The following SIN3A variants were observed in gnomAD, a reference collection of about 807,000 sequenced individuals.
SIN3A encodes paired amphipathic helix protein Sin3a.
In SIN3A, 14 loss-of-function variants were observed where a neutral mutation model predicts 146.1. The observed-to-expected ratio is 0.10, with a 90% CI of 0.06 to 0.15. The LOEUF (loss-of-function observed/expected upper bound fraction) is 0.15, where lower values mean the gene tolerates loss of function less well. Among genes scored for constraint, SIN3A ranks in the 10% least tolerant of loss-of-function variants. The probability of loss-of-function intolerance (pLI) is 1.00; values close to 1 mark genes in which losing one functional copy is unlikely to be tolerated. For synonymous variants in SIN3A, 572 were observed against 572.0 expected (o/e 1.00, Z 0.00); for missense variants, 1,028 against 1,576.0 (o/e 0.65, Z 5.89).
At chr15:75,373,316 T>C (rs573236187) in intron 20 of SIN3A, among the ~76,000 whole-genome samples, 1 of 152,210 alleles carries the variant, frequency 6.6e-6, no homozygotes, top group East Asian at 1.9e-4. Flanking sequence ...AAGTGGAGGA[T>C]GCAGTGAGCT....
At chr15:75,420,638 C>T (rs1351260830) in intron 3 of SIN3A, 7 of 152,166 alleles carry the variant, frequency 4.6e-5, no homozygotes, top group African/African-American at 1.7e-4. Flanking sequence ...CCACCCACCT[C>T]GGCCTCCCAA....
intron 12 of SIN3A, among the ~76,000 whole-genome samples, chr15:75,399,251 G>A (rs1052887767): frequency 2.0e-5 from 3 of 151,672 alleles, no homozygotes; most frequent in Non-Finnish European, 4.4e-5. Flanking sequence ...GCAATCAGCT[G>A]GGCGCAGTGG....
intron 3 of SIN3A, among the ~76,000 whole-genome samples, chr15:75,417,661 G>C (rs1427407559): frequency 1.3e-5 from 2 of 152,048 alleles, no homozygotes; most frequent in African/African-American, 4.8e-5. Context: ...TTACAGATGT[G>C]AGCCACCACA....
chr15:75,376,429 T>C (rs1044662150), intron 19 of SIN3A: 2 of 158,402 alleles, frequency 1.3e-5, no homozygotes, highest in Non-Finnish European at 2.8e-5. Flanking sequence ...TATAAACTAG[T>C]GCCATTCTAC....
chr15:75,422,858 G>C (rs1567388443), intron 2 of SIN3A, 35 bp from the exon 3 acceptor site: 2 of 1,586,548 alleles, frequency 1.3e-6, no homozygotes, highest in Non-Finnish European at 1.7e-6. Context: ...GAAACTTCAA[G>C]GCTTGTACAT....
In SIN3A at chr15:75,381,599, G is replaced by GTAC; in HGVS notation, c.3288+11_3288+13dup. ...CTGCTTGGCACCTGGGGTCTGTGATGTACTTGCTCATACCTCTGCTTCCAC... is the reference window on the plus strand; with the variant it reads ...CTGCTTGGCACCTGGGGTCTGTGATGTACTACTTGCTCATACCTCTGCTTCCAC... On this transcript the variant is annotated intron_variant, in intron 18 of 20. Transcript: ENST00000394947. The GTAC allele has an allele frequency of 6.2e-7, 1 of 1,601,810 alleles. No individual in the cohort carries two copies. The highest frequency in any genetic ancestry group is 2.2e-5 in the East Asian group (1 of 44,788).
intron 3 of SIN3A, chr15:75,415,792 G>A (rs762776904): frequency 4.9e-5 from 8 of 163,212 alleles, no homozygotes; most frequent in Admixed American, 1.9e-4. Context: ...CGGAGGTTGC[G>A]GTGAGTCGAG....
intron 3 of SIN3A, chr15:75,421,606 A>G (rs2073841347): frequency 6.6e-6 from 1 of 152,176 alleles, no homozygotes; most frequent in East Asian, 1.9e-4. Context: ...AGAAACAACT[A>G]TTTGCTGCAT....
rs567639835 is a variant in SIN3A at position 75,406,658 on chromosome 15, A to G, written c.1407+397T>C. On this transcript the variant is annotated intron_variant, in intron 9 of 20. Coordinates refer to ENST00000394947, the MANE Select transcript of SIN3A (RefSeq NM_001145358.2). The stretch of plus-strand genomic sequence containing the variant: ...AGCCGAGATTGCGCCACTGCACTCC[A>G]GCCTGGGCGACAGCGAGACTCCGTC... Among the ~76,000 whole-genome samples the G allele has an allele frequency of 2.6e-5, 4 of 152,308 alleles. No individual in the cohort carries two copies. The South Asian group carries it at 8.3e-4, about 32-fold the overall frequency.
chr15:75,384,256 A>C lies in SIN3A; in HGVS notation c.3195+8T>G, dbSNP rs373269450. 379 of 1,601,338 alleles carry C rather than the reference A, an allele frequency of 2.4e-4. 1 individual carries two copies. In the African/African-American group the frequency reaches 4.1e-3, roughly 17 times the overall value. ...AGCAAGGTCTTCGACTACCTGACCA[A>C]CTCTCACCTTAAAGCAATTCTCATC... is the stretch of plus-strand genomic sequence containing the variant. On this transcript the variant is annotated splice_region_variant and intron_variant, in intron 17 of 20. Coordinates refer to ENST00000394947, the MANE Select transcript of SIN3A (RefSeq NM_001145358.2).
intron 12 of SIN3A, among the ~76,000 whole-genome samples, chr15:75,397,385 A>C (rs564779346): frequency 2.0e-5 from 3 of 152,312 alleles, no homozygotes; most frequent in East Asian, 3.9e-4. Context: ...AGTTTTGACC[A>C]ATGAGTTGTT....
At chr15:75,384,155 A>C (rs2073037132) in intron 17 of SIN3A, 109 bp downstream of exon 17, 2 of 791,776 alleles carry the variant, frequency 2.5e-6, no homozygotes, top group Non-Finnish European at 4.1e-6. Flanking sequence ...TAAAAGGTCC[A>C]GGAGTAGAAT....
At chr15:75,439,264 C>G (rs1304402475) in intron 1 of SIN3A, among the ~76,000 whole-genome samples, 3 of 152,010 alleles carry the variant, frequency 2.0e-5, no homozygotes, top group African/African-American at 7.2e-5. Flanking sequence ...CTCCTCACAA[C>G]AAATTATTTG....
rs2073384242 is a variant in SIN3A, at chr15:75,400,184, CA to C, written c.1738-29del. On this transcript the variant is annotated intron_variant, in intron 11 of 20. Coordinates refer to ENST00000394947, the MANE Select transcript of SIN3A (RefSeq NM_001145358.2). ...TTGGGTAGAAGAAGAGAGACTGAAA[CA>C]AAAGCCTAAAAAAGCTTTCTGGTGA... The C allele has an allele frequency of 3.8e-6, 5 of 1,332,630 alleles. 1 individual carries two copies. Among genetic ancestry groups the C allele is most frequent in the Admixed American group, 3.8e-5 (2 of 52,132 alleles). 82.6% of individuals were successfully genotyped at this position (1,332,630 alleles called of 1,614,324 possible).
In SIN3A at chr15:75,400,198, A is replaced by G. The variant is rs184377830; in HGVS notation, c.1738-42T>C. ...AGAGACTGAAACAAAAGCCTAAAAA[A>G]GCTTTCTGGTGATTAAGCATTCTGA... is the stretch of plus-strand genomic sequence containing the variant. On this transcript the variant is annotated intron_variant, in intron 11 of 20. Coordinates refer to ENST00000394947, the MANE Select transcript of SIN3A (RefSeq NM_001145358.2). 3.8e-4 allele frequency: 431 copies of G among 1,125,706 alleles called. No individual in the cohort carries two copies. The African/African-American group carries it at 6.0e-3, about 16-fold the overall frequency. 69.7% of individuals were successfully genotyped at this position (1,125,706 alleles called of 1,614,324 possible). A position where few individuals can be genotyped will look rare whatever the true frequency, so the allele number is the denominator to read the frequency against.
chr15:75,419,420 C>T (rs754447715), intron 3 of SIN3A: 3 of 151,994 alleles, frequency 2.0e-5, no homozygotes, highest in Non-Finnish European at 2.9e-5. Flanking sequence ...ACTGCAGAGA[C>T]GGAAAAAGTA....
At chr15:75,430,503 G>C (rs187345174) in intron 1 of SIN3A, 95 bp from the exon 2 acceptor site, 115 of 927,486 alleles carry the variant, frequency 1.2e-4, no homozygotes, top group Admixed American at 2.2e-4. Flanking sequence ...GTAAAAGCTT[G>C]ACTCCCAGAA....
At chr15:75,443,921 A>C (rs2141621382) in intron 1 of SIN3A, among the ~76,000 whole-genome samples, 1 of 152,304 alleles carries the variant, frequency 6.6e-6, no homozygotes, top group East Asian at 1.9e-4. Flanking sequence ...TAAAAACTGA[A>C]GTGTAAAACT....
rs1334036630 is a variant in SIN3A at position 75,370,042 on chromosome 15, G to C, written c.*1937C>G. 1 of 152,472 alleles carries C rather than the reference G, an allele frequency of 6.6e-6. No homozygotes were observed. The highest frequency in any genetic ancestry group is 1.9e-4 in the East Asian group (1 of 5,212). 9.4% of individuals were successfully genotyped at this position (152,472 alleles called of 1,614,324 possible). A position where few individuals can be genotyped will look rare whatever the true frequency, so the allele number is the denominator to read the frequency against. ...AGGTGGGAGGACAGCTTGAGGCCAG[G>C]AGTTTGAGACCAACCTGGGCAGCAT... On this transcript the variant is annotated 3_prime_UTR_variant, in exon 21 of 21. Transcript: ENST00000394947.
Sources: allele counts gnomAD v4.1 joint callset (sites outside exome capture counted in the v4.1 genomes callset), GRCh38; gene constraint gnomAD v4.1.1; transcripts MANE v1.5; gene names NCBI Gene and HGNC (gene_info 2026-07-23, HGNC 2026-07-21).